CELF5: variants seen among roughly 807,000 people sequenced by gnomAD.
CELF5 encodes the protein CUG-BP and ETR-3 like factor 5.
CELF5 carries 6 observed loss-of-function variants against 54.9 expected under a neutral mutation model. The observed-to-expected ratio is 0.11, with a 90% CI of 0.06 to 0.22. The LOEUF is 0.22. Ranked by LOEUF, CELF5 falls within the 10% of genes least tolerant of loss-of-function variation. The pLI, the probability that CELF5 is intolerant of heterozygous loss-of-function variation, is 1.00. For synonymous variants in CELF5, 271 were observed against 290.9 expected, an observed-to-expected ratio of 0.93 and a Z score of 0.70; for missense variants, 401 against 678.6, an observed-to-expected ratio of 0.59 and a Z score of 4.54.
At position 3,293,223 on chromosome 19, in the gene CELF5, C is replaced by T. The variant is rs1042238451; in HGVS notation, c.1331-96C>T. ...GTGCAGGTGTGCACGCAGGCCTGCT[C>T]AGGACCCCGTGAGCCGGGAAGCCAG... On this transcript the variant is annotated intron_variant, in intron 11 of 12. Transcript: ENST00000292672. The T allele has an allele frequency of 1.2e-5, 19 of 1,541,092 alleles. No homozygotes were observed. The Admixed American group carries it at 2.8e-4, about 23-fold the overall frequency.
chr19:3,225,250 T>TCCTCTCTCTCTC (rs1226642971), intron 1 of CELF5, among the ~76,000 whole-genome samples: 1 of 88,762 alleles, frequency 1.1e-5, no homozygotes, highest in Non-Finnish European at 2.2e-5. Flanking sequence ...TTCCGGCATC[T>TCCTCTCTCTCTC]CCTCTCTCTC....
intron 1 of CELF5, among the ~76,000 whole-genome samples, chr19:3,249,144 A>T (rs1356341209): frequency 6.6e-6 from 1 of 151,816 alleles, no homozygotes; most frequent in East Asian, 1.9e-4. Flanking sequence ...GGAGCTCCGT[A>T]CAGCGTGTCC....
chr19:3,267,735 C>T (rs763614319), intron 2 of CELF5, among the ~76,000 whole-genome samples: 17 of 152,202 alleles, frequency 1.1e-4, no homozygotes, highest in Non-Finnish European at 2.4e-4. Context: ...TGTGTGTCTG[C>T]GTGTCCTTCC....
intron 1 of CELF5, among the ~76,000 whole-genome samples, chr19:3,237,311 C>CAAAAAA (rs1182124877): frequency 4.7e-5 from 2 of 42,234 alleles, no homozygotes; most frequent in Non-Finnish European, 8.9e-5. Context: ...GACTCCGTCT[C>CAAAAAA]AAAAAAAAAA....
chr19:3,267,435 G>A (rs572519647), intron 2 of CELF5, among the ~76,000 whole-genome samples: 3 of 152,310 alleles, frequency 2.0e-5, no homozygotes, highest in African/African-American at 7.2e-5. Context: ...CCCTGGAATT[G>A]AGGCTCAGAT....
In CELF5 at chr19:3,286,045, C is replaced by T; in HGVS notation, c.1186+20C>T. 1.9e-6 allele frequency: 3 copies of T among 1,545,434 alleles called. No individual in the cohort carries two copies. Among genetic ancestry groups the T allele is most frequent in the Non-Finnish European group, 2.6e-6 (3 of 1,155,638 alleles). On this transcript the variant is annotated intron_variant, in intron 10 of 12. Coordinates refer to ENST00000292672, the MANE Select transcript of CELF5 (RefSeq NM_021938.4). ...GAGAAGGTGAGGCGGCCGCAACCTC[C>T]CCTGGGCGCCAGCCCCGCCCTCTGC...
chr19:3,250,564 C>T (rs1184222645), intron 1 of CELF5, among the ~76,000 whole-genome samples: 1 of 152,160 alleles, frequency 6.6e-6, no homozygotes, highest in Non-Finnish European at 1.5e-5. Flanking sequence ...CAACCATCAC[C>T]ACCATCATCT....
Position 3,250,990 on chromosome 19 carries a change from G to A in CELF5, c.265G>A (p.Ala89Thr). Residue 89 changes from alanine (A) to threonine (T), a missense_variant, in exon 2 of 13, where the codon GCC becomes ACC. Ala to Thr is a moderately conservative substitution (Grantham distance 58). Around this residue, in one of 6 missense-constraint regions of CELF5, gnomAD observed 66 missense variants for 132.3 expected, o/e 0.50. Coordinates refer to ENST00000292672, the MANE Select transcript of CELF5 (RefSeq NM_021938.4). ...DPYTGMHKGC[A>T]FLTYCARDSA... ...CCCGTTTCTCTCCCTTCCAGGCTGTGCCTTCCTCACCTACTGTGCCAGGGA... is the reference window on the plus strand; with the variant it reads ...CCCGTTTCTCTCCCTTCCAGGCTGTACCTTCCTCACCTACTGTGCCAGGGA... 6.2e-7 allele frequency: 1 copy of A among 1,613,776 alleles called. No individual in the cohort carries two copies. Among genetic ancestry groups the A allele is most frequent in the Non-Finnish European group, 8.5e-7 (1 of 1,179,726 alleles).
At chr19:3,290,140 C>T in intron 10 of CELF5, 91 bp from the exon 11 acceptor site, 1 of 960,392 alleles carries the variant, frequency 1.0e-6, no homozygotes, top group Non-Finnish European at 1.6e-6. Context: ...GCTGGAGAAG[C>T]CAGATGCGGG....
At chr19:3,259,403 C>A (rs1196141763) in intron 2 of CELF5, among the ~76,000 whole-genome samples, 1 of 151,588 alleles carries the variant, frequency 6.6e-6, no homozygotes, top group Non-Finnish European at 1.5e-5. Flanking sequence ...CCCAGGACGG[C>A]CCCACCCCAG....
intron 1 of CELF5, 128 bp from the exon 2 acceptor site, chr19:3,250,857 T>C: frequency 6.1e-6 from 4 of 652,264 alleles, no homozygotes; most frequent in Non-Finnish European, 1.1e-5. Flanking sequence ...ATGCACCAGG[T>C]TGTGTAGATC....
At chr19:3,234,500 C>T (rs1917426637) in intron 1 of CELF5, among the ~76,000 whole-genome samples, 1 of 152,018 alleles carries the variant, frequency 6.6e-6, no homozygotes, top group Non-Finnish European at 1.5e-5. Flanking sequence ...CGAGTGGTGT[C>T]GAGTGGGTGG....
chr19:3,293,525 C>A, intron 12 of CELF5, 39 bp downstream of exon 12: 1 of 1,532,234 alleles, frequency 6.5e-7, no homozygotes, highest in Non-Finnish European at 8.8e-7. Flanking sequence ...CCAAGCCCCC[C>A]GTCTTGTCTG....
intron 2 of CELF5, among the ~76,000 whole-genome samples, chr19:3,261,018 G>C (rs2079801354): frequency 6.6e-6 from 1 of 152,100 alleles, no homozygotes; most frequent in African/African-American, 2.4e-5. Context: ...TCCTGCCTCA[G>C]CCTCCCAAGT....
intron 2 of CELF5, among the ~76,000 whole-genome samples, chr19:3,261,942 T>C (rs541801912): frequency 2.6e-5 from 4 of 152,214 alleles, no homozygotes; most frequent in Non-Finnish European, 5.9e-5. Flanking sequence ...CTGCCTGTGC[T>C]GTGCAGTGTG....
intron 2 of CELF5, among the ~76,000 whole-genome samples, chr19:3,264,857 G>A (rs769718962): frequency 1.2e-4 from 18 of 151,986 alleles, no homozygotes; most frequent in Non-Finnish European, 2.4e-4. Context: ...GGGATTATAG[G>A]CGTCTGCCAC....
chr19:3,235,220 CTGTAAGCTTCACCT>C (rs910003042), intron 1 of CELF5, among the ~76,000 whole-genome samples: 106 of 152,300 alleles, frequency 7.0e-4, no homozygotes, highest in African/African-American at 1.5e-3. Context: ...CCTTTCTCTT[CTGTAAGCTTCACCT>C]TTTTTTGTGA....
chr19:3,279,847 C>T (rs925084706), intron 5 of CELF5, among the ~76,000 whole-genome samples: 24 of 152,174 alleles, frequency 1.6e-4, no homozygotes, highest in African/African-American at 5.3e-4. Flanking sequence ...GGATTACAGG[C>T]ACGCGCCACC....
intron 1 of CELF5, among the ~76,000 whole-genome samples, chr19:3,238,817 G>T (rs1488599315): frequency 6.6e-6 from 1 of 152,122 alleles, no homozygotes; most frequent in East Asian, 1.9e-4. Context: ...TGTAATCCCA[G>T]TACTCAGGAG....
Sources: allele counts gnomAD v4.1 joint callset (sites outside exome capture counted in the v4.1 genomes callset), GRCh38; gene constraint gnomAD v4.1.1; regional missense constraint gnomAD v4.1.1; transcripts MANE v1.5; gene names NCBI Gene and HGNC (gene_info 2026-07-23, HGNC 2026-07-21).